SS18L2: variants seen among roughly 807,000 people sequenced by gnomAD.
SS18L2 encodes the protein SS18 like 2.
In SS18L2, 8 loss-of-function variants were observed where a neutral mutation model predicts 10.3. The observed-to-expected ratio is 0.78, with a 90% CI of 0.46 to 1.41. The LOEUF is 1.41. SS18L2 is among the 40% of genes most tolerant of loss of function. SS18L2 has a pLI of 0.00. For missense variants in SS18L2, 100 were observed against 96.2 expected (o/e 1.04, Z -0.17); for synonymous variants, 41 against 34.6 (o/e 1.19, Z -0.65).
intron 2 of SS18L2, among the ~76,000 whole-genome samples, chr3:42,592,270 G>A (rs542204389): frequency 2.0e-5 from 3 of 151,054 alleles, no homozygotes; most frequent in African/African-American, 7.3e-5. Flanking sequence ...GTGCAATCTC[G>A]GCTCACTGCA....
chr3:42,593,431 T>C (rs900836106), intron 2 of SS18L2, among the ~76,000 whole-genome samples: 52 of 151,990 alleles, frequency 3.4e-4, no homozygotes, highest in Admixed American at 3.4e-3. Context: ...AATAAATAAA[T>C]TAAAGTATAT....
At chr3:42,582,623 G>A (rs1240362268) in intron 1 of SS18L2, among the ~76,000 whole-genome samples, 1 of 152,238 alleles carries the variant, frequency 6.6e-6, no homozygotes, top group Non-Finnish European at 1.5e-5. Context: ...TGTTAAGAGA[G>A]GAGGCAGGGT....
Position 42,590,917 on chromosome 3 carries a change from C to G in SS18L2, c.20C>G (p.Pro7Arg), listed in dbSNP as rs1704802109. 4 of 1,394,598 alleles carry G rather than the reference C, an allele frequency of 2.9e-6. No individual in the cohort carries two copies. The East Asian group carries it at 1.6e-4, about 56-fold the overall frequency. 86.4% of individuals were successfully genotyped at this position (1,394,598 alleles called of 1,614,324 possible). A position where few individuals can be genotyped will look rare whatever the true frequency, so the allele number is the denominator to read the frequency against. MSVAFVPDWLRGKAEVN... is the reference protein window; with the variant it reads MSVAFVRDWLRGKAEVN... The stretch of plus-strand genomic sequence containing the variant: ...CTCGGGATGTCGGTGGCCTTCGTAC[C>G]GGACTGGCTGAGGGGCAAGGCGGAA... Residue 7 changes from proline to arginine, a missense_variant, in exon 1 of 3, where the codon CCG becomes CGG. Coordinates refer to ENST00000011691, the MANE Select transcript of SS18L2 (RefSeq NM_001370300.1).
rs1354537952 is a variant in SS18L2, at chr3:42,594,745, G to T, written c.*236G>T. Reference sequence around the variant, plus strand: ...CAAATCCCTCAATAAGTTGAGCCCAGGTGTCCTCTTTCCTGAACTTGGAGC... The same window carrying T: ...CAAATCCCTCAATAAGTTGAGCCCATGTGTCCTCTTTCCTGAACTTGGAGC... On this transcript the variant is annotated 3_prime_UTR_variant, in exon 3 of 3. Coordinates refer to ENST00000011691, the MANE Select transcript of SS18L2 (RefSeq NM_001370300.1). 1 of 351,698 alleles carries T rather than the reference G, an allele frequency of 2.8e-6. No individual in the cohort carries two copies. Among genetic ancestry groups the T allele is most frequent in the Non-Finnish European group, 5.2e-6 (1 of 192,018 alleles). The allele number at this position is 351,698 out of a possible 1,614,324, so 21.8% of individuals were successfully genotyped here.
chr3:42,589,270 A>G (rs547074104), upstream of SS18L2, among the ~76,000 whole-genome samples: 2 of 151,392 alleles, frequency 1.3e-5, no homozygotes, highest in East Asian at 3.9e-4. Flanking sequence ...CTCTGTCTCA[A>G]AAAAAAAAGA....
At position 42,591,560 on chromosome 3, in the gene SS18L2, TG is replaced by T. The variant is rs1559536704; in HGVS notation, c.106del (p.Val36TrpfsTer50). On this transcript the variant is annotated frameshift_variant, in exon 2 of 3. Transcript: ENST00000011691. LOFTEE classifies it high-confidence loss of function. ...AGAATGACCAGCTGATCCGCTGTAT[TG>T]TGGAGTATCAGAACAAGGGCCGCGG... ...EENDQLIRCIVEYQNKGRGNE... is the reference protein window; with the variant it reads ...EENDQLIRCIXEYQNKGRGNE... 6.2e-7 allele frequency: 1 copy of T among 1,613,904 alleles called. No individual in the cohort carries two copies. The highest frequency in any genetic ancestry group is 8.5e-7 in the Non-Finnish European group (1 of 1,179,928).
At chr3:42,583,023 A>C (rs1182535268) in intron 1 of SS18L2, among the ~76,000 whole-genome samples, 1 of 152,250 alleles carries the variant, frequency 6.6e-6, no homozygotes, top group East Asian at 1.9e-4. Context: ...ATTTTACCAC[A>C]AAAAGAAAAG....
intron 1 of SS18L2, among the ~76,000 whole-genome samples, chr3:42,583,248 A>C (rs1344416511): frequency 1.3e-5 from 2 of 152,240 alleles, no homozygotes; most frequent in African/African-American, 4.8e-5. Context: ...CCTGGGAGCC[A>C]GTGCAGTCAT....
chr3:42,583,825 C>A (rs1704516325), intron 1 of SS18L2, among the ~76,000 whole-genome samples: 1 of 152,186 alleles, frequency 6.6e-6, no homozygotes, highest in South Asian at 2.1e-4. Flanking sequence ...CCCTAATCTC[C>A]TAACTCTAGG....
intron 1 of SS18L2, among the ~76,000 whole-genome samples, chr3:42,583,655 G>T (rs527254733): frequency 1.2e-4 from 18 of 152,298 alleles, no homozygotes; most frequent in African/African-American, 4.3e-4. Context: ...GTTCCCAGAA[G>T]ATATTGGCAT....
At chr3:42,584,290 T>G (rs1704539092) in intron 1 of SS18L2, among the ~76,000 whole-genome samples, 1 of 152,222 alleles carries the variant, frequency 6.6e-6, no homozygotes, top group Non-Finnish European at 1.5e-5. Context: ...AGTCTCACTC[T>G]GTGGCCTAGG....
At chr3:42,586,095 G>A (rs986261628), upstream of SS18L2, among the ~76,000 whole-genome samples, 1 of 152,052 alleles carries the variant, frequency 6.6e-6, no homozygotes, top group African/African-American at 2.4e-5. Context: ...GGAAAAAGTG[G>A]TCTATATGTG....
exon 1 of SS18L2, chr3:42,581,936 G>C (rs1304515724): frequency 6.6e-6 from 1 of 152,348 alleles, no homozygotes; most frequent in African/African-American, 2.4e-5. Context: ...GCTCGGCCCA[G>C]GTCACCGGCA....
At position 42,590,941 on chromosome 3, in the gene SS18L2, A is replaced by G; in HGVS notation, c.44A>G (p.Glu15Gly). The G allele has an allele frequency of 6.3e-7, 1 of 1,587,694 alleles. No homozygotes were observed. The highest frequency in any genetic ancestry group is 8.6e-7 in the Non-Finnish European group (1 of 1,164,444). ...CCGGACTGGCTGAGGGGCAAGGCGG[A>G]AGTCAATCAAGAGACTATCCAGCGG... is the stretch of plus-strand genomic sequence containing the variant. ...FVPDWLRGKA[E>G]VNQETIQRLL... The change falls in exon 1 of 3, where the codon GAA (glutamate) becomes GGA (glycine). Residue 15 changes from glutamate (E) to glycine (G), a missense_variant. Glu to Gly is a moderately conservative substitution (Grantham distance 98). Coordinates refer to ENST00000011691, the MANE Select transcript of SS18L2 (RefSeq NM_001370300.1).
At chr3:42,593,512 A>T (rs1484824993) in intron 2 of SS18L2, among the ~76,000 whole-genome samples, 1 of 152,166 alleles carries the variant, frequency 6.6e-6, no homozygotes, top group Non-Finnish European at 1.5e-5. Flanking sequence ...GAGCTCGAGC[A>T]TCCTCAGATT....
chr3:42,596,818 C>T lies in SS18L2; in HGVS notation c.*2309C>T, dbSNP rs1302726228. Among the ~76,000 whole-genome samples the T allele has an allele frequency of 6.6e-6, 1 of 152,118 alleles. No individual in the cohort carries two copies. The highest frequency in any genetic ancestry group is 1.5e-5 in the Non-Finnish European group (1 of 68,026). On this transcript the variant is annotated 3_prime_UTR_variant, in exon 3 of 3. Transcript: ENST00000011691. ...GAGATCAAAGTGATTTGTCTCAGGT[C>T]ACATAACCAGTGGCAGAAAGAAGAG...
chr3:42,593,918 T>C (rs914100473), intron 2 of SS18L2, among the ~76,000 whole-genome samples: 1 of 152,112 alleles, frequency 6.6e-6, no homozygotes, highest in Non-Finnish European at 1.5e-5. Context: ...GCCGGATATC[T>C]TCAAGTCACA....
chr3:42,594,151 T>A (rs1383481873), intron 2 of SS18L2, among the ~76,000 whole-genome samples: 3 of 152,192 alleles, frequency 2.0e-5, no homozygotes, highest in African/African-American at 4.8e-5. Flanking sequence ...ATGTGGAGAA[T>A]AAAGTAGGTG....
chr3:42,595,684 T>A lies in SS18L2; in HGVS notation c.*1175T>A, dbSNP rs1336550215. Among the ~76,000 whole-genome samples the A allele has an allele frequency of 6.6e-6, 1 of 152,256 alleles. No homozygotes were observed. The highest frequency in any genetic ancestry group is 1.5e-5 in the Non-Finnish European group (1 of 68,040). The stretch of plus-strand genomic sequence containing the variant: ...CACTCTTGGAGATTTATCTGAAAGA[T>A]GAGGCAAAGGGATTCTTGTAAGTAT... On this transcript the variant is annotated 3_prime_UTR_variant, in exon 3 of 3. Transcript: ENST00000011691.
Sources: allele counts gnomAD v4.1 joint callset (sites outside exome capture counted in the v4.1 genomes callset), GRCh38; gene constraint gnomAD v4.1.1; transcripts MANE v1.5; gene names NCBI Gene and HGNC (gene_info 2026-07-23, HGNC 2026-07-21).